Variants in TRIP6 observed in about 807,000 individuals in gnomAD.
TRIP6 encodes thyroid receptor-interacting protein 6.
In TRIP6, 33 loss-of-function variants were observed where a neutral mutation model predicts 51.9. That is an observed-to-expected ratio of 0.64 (90% CI 0.48 to 0.85). TRIP6 has a LOEUF of 0.85. Among genes scored for constraint, TRIP6 ranks in the 40% least tolerant of loss-of-function variants. The pLI is 0.00. For synonymous variants in TRIP6, 255 were observed against 275.8 expected (o/e 0.92, Z 0.75); for missense variants, 661 against 652.1 (o/e 1.01, Z -0.15).
In TRIP6 at chr7:100,868,832, CAGGAAG is replaced by C; in HGVS notation, c.712_717del (p.Arg238_Gly239del). The stretch of plus-strand genomic sequence containing the variant: ...GAAGCTGCTGGGGTCTCTGGCCCTG[CAGGAAG>C]AGGAAGAGGAGGCGAGCACGGGCCC... On this transcript the variant is annotated inframe_deletion, in exon 4 of 9. Transcript: ENST00000200457. 6.6e-7 allele frequency: 1 copy of C among 1,517,042 alleles called. No individual in the cohort carries two copies. The highest frequency in any genetic ancestry group is 8.8e-7 in the Non-Finnish European group (1 of 1,138,288). 94.0% of individuals were successfully genotyped at this position (1,517,042 alleles called of 1,614,324 possible). A position where few individuals can be genotyped will look rare whatever the true frequency, so the allele number is the denominator to read the frequency against.
chr7:100,872,013 GTTTTTTTTTT>G (rs71517130), intron 7 of TRIP6, among the ~76,000 whole-genome samples: 3 of 115,242 alleles, frequency 2.6e-5, no homozygotes, highest in Non-Finnish European at 3.7e-5. Context: ...AGTTTTCTTC[GTTTTTTTTTT>G]TTTTTTTTTG....
chr7:100,867,745 C>T lies in TRIP6; in HGVS notation c.110-116C>T. 1 of 1,515,272 alleles carries T rather than the reference C, an allele frequency of 6.6e-7. No individual in the cohort carries two copies. Among genetic ancestry groups the T allele is most frequent in the Non-Finnish European group, 8.8e-7 (1 of 1,132,648 alleles). The allele number at this position is 1,515,272 out of a possible 1,614,324, so 93.9% of individuals were successfully genotyped here. On this transcript the variant is annotated intron_variant, in intron 1 of 8. Transcript: ENST00000200457. This position sits in a 1 kb window ranked among gnomAD's most constrained non-coding sequence, Gnocchi z 5.4. ...CGGGGGGAACAGCCGCCTGCGCTCT[C>T]TTGGGACCCTAGATTTGGGGGAGGA...
chr7:100,867,768 G>A lies in TRIP6; in HGVS notation c.110-93G>A. The A allele has an allele frequency of 6.6e-7, 1 of 1,509,908 alleles. No homozygotes were observed. The highest frequency in any genetic ancestry group is 8.8e-7 in the Non-Finnish European group (1 of 1,131,578). The allele number at this position is 1,509,908 out of a possible 1,614,324, so 93.5% of individuals were successfully genotyped here. A position where few individuals can be genotyped will look rare whatever the true frequency, so the allele number is the denominator to read the frequency against. On this transcript the variant is annotated intron_variant, in intron 1 of 8. Coordinates refer to ENST00000200457, the MANE Select transcript of TRIP6 (RefSeq NM_003302.3). This position sits in a 1 kb window ranked among gnomAD's most constrained non-coding sequence, Gnocchi z 5.4. ...CTCTTGGGACCCTAGATTTGGGGGA[G>A]GAGGTAACGAGAGGCGGAGAGGGTG... is the stretch of plus-strand genomic sequence containing the variant.
At position 100,868,853 on chromosome 7, in the gene TRIP6, A is replaced by G; in HGVS notation, c.722A>G (p.Glu241Gly). ...CCTGCAGGAAGAGGAAGAGGAGGCG[A>G]GCACGGGCCCCAGGTGAGCCCTGGG... The part of the protein sequence containing the change: ...SGPAGRGRGG[E>G]HGPQVPLSQP... The change falls in exon 4 of 9, where the codon GAG becomes GGG. Residue 241 changes from glutamate (E) to glycine (G), a missense_variant. Coordinates refer to ENST00000200457, the MANE Select transcript of TRIP6 (RefSeq NM_003302.3). 10 of 1,513,000 alleles carry G rather than the reference A, an allele frequency of 6.6e-6. No individual in the cohort carries two copies. Among genetic ancestry groups the G allele is most frequent in the Non-Finnish European group, 7.9e-6 (9 of 1,136,550 alleles). 93.7% of individuals were successfully genotyped at this position (1,513,000 alleles called of 1,614,324 possible).
At position 100,867,783 on chromosome 7, in the gene TRIP6, C is replaced by T. The variant is rs571785082; in HGVS notation, c.110-78C>T. 310 of 1,514,714 alleles carry T rather than the reference C, an allele frequency of 2.0e-4. 2 individuals carry two copies. The Middle Eastern group carries it at 7.2e-3, about 35-fold the overall frequency. The allele number at this position is 1,514,714 out of a possible 1,614,324, so 93.8% of individuals were successfully genotyped here. A position where few individuals can be genotyped will look rare whatever the true frequency, so the allele number is the denominator to read the frequency against. On this transcript the variant is annotated intron_variant, in intron 1 of 8. Transcript: ENST00000200457. This position sits in a 1 kb window ranked among gnomAD's most constrained non-coding sequence, Gnocchi z 5.4. Reference sequence around the variant, plus strand: ...ATTTGGGGGAGGAGGTAACGAGAGGCGGAGAGGGTGGCTCCTCAAATATAC... The same window carrying T: ...ATTTGGGGGAGGAGGTAACGAGAGGTGGAGAGGGTGGCTCCTCAAATATAC...
In TRIP6 at chr7:100,867,994, A is replaced by G. The variant is rs1334169344; in HGVS notation, c.237+6A>G. Reference sequence around the variant, plus strand: ...GAGTACTCCAGCACACGCAGGTGAGACCCGGGATCGTGGGGTGGGACATGT... The same window carrying G: ...GAGTACTCCAGCACACGCAGGTGAGGCCCGGGATCGTGGGGTGGGACATGT... On this transcript the variant is annotated splice_donor_region_variant and intron_variant, in intron 2 of 8. Coordinates refer to ENST00000200457, the MANE Select transcript of TRIP6 (RefSeq NM_003302.3). This position sits in a 1 kb window ranked among gnomAD's most constrained non-coding sequence, Gnocchi z 5.4. 1.3e-6 allele frequency: 2 copies of G among 1,514,596 alleles called. No individual in the cohort carries two copies. Among genetic ancestry groups the G allele is most frequent in the Non-Finnish European group, 1.8e-6 (2 of 1,132,778 alleles). 93.8% of individuals were successfully genotyped at this position (1,514,596 alleles called of 1,614,324 possible). A position where few individuals can be genotyped will look rare whatever the true frequency, so the allele number is the denominator to read the frequency against.
rs1450605141 is a variant in TRIP6 at position 100,873,269 on chromosome 7, A to G, written c.1397A>G (p.Gln466Arg). The G allele has an allele frequency of 3.1e-6, 5 of 1,612,308 alleles. No individual in the cohort carries two copies. The East Asian group carries it at 1.1e-4, about 36-fold the overall frequency. Residue 466 changes from glutamine (Q) to arginine (R), a missense_variant, in exon 9 of 9, where the codon CAG becomes CGG. Gln to Arg is a conservative substitution (Grantham distance 43, BLOSUM62 1). Transcript: ENST00000200457. Reference protein sequence around the residue: ...LCKACSAWRIQELSATVTTDC With the variant: ...LCKACSAWRIRELSATVTTDC ...AAGGCCTGCAGCGCCTGGCGCATCCAGGAGCTCTCAGCCACCGTCACCACT... is the reference window on the plus strand; with the variant it reads ...AAGGCCTGCAGCGCCTGGCGCATCCGGGAGCTCTCAGCCACCGTCACCACT...
Position 100,868,608 on chromosome 7 carries a change from C to A in TRIP6, c.477C>A (p.Thr159=), listed in dbSNP as rs140266307. ...GCCCCACTCCAGCCTCTTACACTACCGCCAGCACCCCGGCTGGCCCAGCCT... is the reference window on the plus strand; with the variant it reads ...GCCCCACTCCAGCCTCTTACACTACAGCCAGCACCCCGGCTGGCCCAGCCT... ...YGGPTPASYT[T]ASTPAGPAFP... Residue 159 remains threonine, a synonymous_variant, in exon 4 of 9, where the codon ACC becomes ACA. Transcript: ENST00000200457. 3.7e-6 allele frequency: 6 copies of A among 1,612,900 alleles called. No homozygotes were observed. In the South Asian group the frequency reaches 6.6e-5, roughly 18 times the overall value.
chr7:100,870,369 G>C lies in TRIP6; in HGVS notation c.736-1G>C. 2 of 1,611,726 alleles carry C rather than the reference G, an allele frequency of 1.2e-6. No homozygotes were observed. The highest frequency in any genetic ancestry group is 1.7e-6 in the Non-Finnish European group (2 of 1,179,790). Reference sequence around the variant, plus strand: ...GACCGAGCCCGATTCCCACCTTCCAGGTGCCCCTGAGCCAGCCTCCAGAGG... The same window carrying C: ...GACCGAGCCCGATTCCCACCTTCCACGTGCCCCTGAGCCAGCCTCCAGAGG... On this transcript the variant is annotated splice_acceptor_variant, in intron 4 of 8. Transcript: ENST00000200457. LOFTEE classifies it high-confidence loss of function.
Position 100,873,370 on chromosome 7 carries a change from G to C in TRIP6, c.*67G>C. The C allele has an allele frequency of 1.3e-6, 2 of 1,539,022 alleles. No homozygotes were observed. The highest frequency in any genetic ancestry group is 1.9e-5 in the Admixed American group (1 of 53,196). On this transcript the variant is annotated 3_prime_UTR_variant, in exon 9 of 9. Coordinates refer to ENST00000200457, the MANE Select transcript of TRIP6 (RefSeq NM_003302.3). Reference sequence around the variant, plus strand: ...CATCCTTTGATTGATCACTCTCCCTGACATCCACCTGTATGACTTTGTCAC... The same window carrying C: ...CATCCTTTGATTGATCACTCTCCCTCACATCCACCTGTATGACTTTGTCAC...
chr7:100,873,254 G>A lies in TRIP6; in HGVS notation c.1382G>A (p.Ser461Asn). ...GGGCACATCTTGTGCAAGGCCTGCAGCGCCTGGCGCATCCAGGAGCTCTCA... is the reference window on the plus strand; with the variant it reads ...GGGCACATCTTGTGCAAGGCCTGCAACGCCTGGCGCATCCAGGAGCTCTCA... ...LDGHILCKAC[S>N]AWRIQELSAT... Residue 461 changes from serine to asparagine, a missense_variant, in exon 9 of 9, where the codon AGC (serine) becomes AAC (asparagine). By Grantham distance (46) the Ser-to-Asn change is conservative. Transcript: ENST00000200457. The A allele has an allele frequency of 6.2e-7, 1 of 1,613,356 alleles. No homozygotes were observed. Among genetic ancestry groups the A allele is most frequent in the Non-Finnish European group, 8.5e-7 (1 of 1,179,458 alleles).
In TRIP6 at chr7:100,872,187, T is replaced by TG. The variant is rs1296182187; in HGVS notation, c.1179-437_1179-436insG. ...ATGCCACCACGCCTGGCTAGTTTTT[T>TG]TTTTTTTTTTTTTTTTTGTATTTTT... On this transcript the variant is annotated intron_variant, in intron 7 of 8. Coordinates refer to ENST00000200457, the MANE Select transcript of TRIP6 (RefSeq NM_003302.3). 3.5e-5 allele frequency among the ~76,000 whole-genome samples: 5 copies of TG among 144,592 alleles called. 1 individual carries two copies. Among genetic ancestry groups the TG allele is most frequent in the African/African-American group, 1.3e-4 (5 of 39,250 alleles). The allele number at this position is 144,592 out of a possible 152,430, so 94.9% of individuals were successfully genotyped here.
rs1815176882 is a variant in TRIP6 at position 100,867,878 on chromosome 7, A to G, written c.127A>G (p.Arg43Gly). Reference protein sequence around the residue: ...AHGAALQPHPRVNFCPLPSEQ... With the variant: ...AHGAALQPHPGVNFCPLPSEQ... ...CAACCCAGCACTCCAGCCCCACCCC[A>G]GGGTCAATTTTTGCCCCCTTCCATC... Residue 43 changes from arginine (R) to glycine (G), a missense_variant, in exon 2 of 9, where the codon AGG becomes GGG. By Grantham distance (125) the Arg-to-Gly change is moderately radical (BLOSUM62 -2). Transcript: ENST00000200457. The surrounding 1 kb of genome is among the most constrained non-coding windows in gnomAD (Gnocchi z 5.4). 1.3e-6 allele frequency: 2 copies of G among 1,531,914 alleles called. No individual in the cohort carries two copies. Among genetic ancestry groups the G allele is most frequent in the South Asian group, 2.6e-5 (2 of 75,786 alleles). 94.9% of individuals were successfully genotyped at this position (1,531,914 alleles called of 1,614,324 possible). A position where few individuals can be genotyped will look rare whatever the true frequency, so the allele number is the denominator to read the frequency against.
Position 100,872,622 on chromosome 7 carries a change from A to G in TRIP6, c.1179-2A>G, listed in dbSNP as rs1815297384. 1 of 1,613,874 alleles carries G rather than the reference A, an allele frequency of 6.2e-7. No homozygotes were observed. The highest frequency in any genetic ancestry group is 8.5e-7 in the Non-Finnish European group (1 of 1,179,866). ...GGCCTTCTTGGTTCTCTTCCCCTGCAGGAAGTTTGCCCCAAGATGCTCAGT... is the reference window on the plus strand; with the variant it reads ...GGCCTTCTTGGTTCTCTTCCCCTGCGGGAAGTTTGCCCCAAGATGCTCAGT... On this transcript the variant is annotated splice_acceptor_variant, in intron 7 of 8. Coordinates refer to ENST00000200457, the MANE Select transcript of TRIP6 (RefSeq NM_003302.3). LOFTEE classifies it high-confidence loss of function.
chr7:100,868,578 T>C lies in TRIP6; in HGVS notation c.447T>C (p.Tyr149=), dbSNP rs1044769143. ...NPASPLPASP[Y]GGPTPASYTT... is the part of the protein sequence containing the mutation. Reference sequence around the variant, plus strand: ...CCTCGCCGCTCCCAGCGTCTCCCTATGGGGGCCCCACTCCAGCCTCTTACA... The same window carrying C: ...CCTCGCCGCTCCCAGCGTCTCCCTACGGGGGCCCCACTCCAGCCTCTTACA... Residue 149 remains tyrosine, a synonymous_variant, in exon 4 of 9, where the codon TAT becomes TAC. Transcript: ENST00000200457. 6.2e-7 allele frequency: 1 copy of C among 1,612,946 alleles called. No individual in the cohort carries two copies. The highest frequency in any genetic ancestry group is 1.1e-5 in the South Asian group (1 of 91,080).
chr7:100,868,527 C>A lies in TRIP6; in HGVS notation c.396C>A (p.Arg132=). The change falls in exon 4 of 9, where the codon CGC becomes CGA. Residue 132 remains arginine, a synonymous_variant. Transcript: ENST00000200457. ...AYEPPPPPAY[R]TGSLKPNPAS... The stretch of plus-strand genomic sequence containing the variant: ...AGCCCCCGCCACCTCCTGCCTACCG[C>A]ACGGGCTCCCTGAAGCCAAATCCAG... 6.2e-7 allele frequency: 1 copy of A among 1,613,108 alleles called. No individual in the cohort carries two copies. Among genetic ancestry groups the A allele is most frequent in the Non-Finnish European group, 8.5e-7 (1 of 1,180,032 alleles).
Position 100,868,253 on chromosome 7 carries a change from C to T in TRIP6, c.363+20C>T, listed in dbSNP as rs774130752. On this transcript the variant is annotated intron_variant, in intron 3 of 8. Coordinates refer to ENST00000200457, the MANE Select transcript of TRIP6 (RefSeq NM_003302.3). Reference sequence around the variant, plus strand: ...CGACAGGTGACTCTGCCCCTCCTCCCCGTCAGCACCCTGCCCCCTTCTCTG... The same window carrying T: ...CGACAGGTGACTCTGCCCCTCCTCCTCGTCAGCACCCTGCCCCCTTCTCTG... The T allele has an allele frequency of 3.1e-6, 5 of 1,602,676 alleles. No homozygotes were observed. The highest frequency in any genetic ancestry group is 3.4e-6 in the Non-Finnish European group (4 of 1,174,726).
At chr7:100,872,181 G>GTTTTTTTTTTTTTTTTTTTT (rs34239953) in intron 7 of TRIP6, among the ~76,000 whole-genome samples, 1 of 95,592 alleles carries the variant, frequency 1.0e-5, no homozygotes, top group Non-Finnish European at 1.9e-5. Flanking sequence ...CGCCTGGCTA[G>GTTTTTTTTTTTTTTTTTTTT]TTTTTTTTTT....
Position 100,870,483 on chromosome 7 carries a change from T to C in TRIP6, c.829+20T>C. 1 of 1,317,720 alleles carries C rather than the reference T, an allele frequency of 7.6e-7. No individual in the cohort carries two copies. Among genetic ancestry groups the C allele is most frequent in the Non-Finnish European group, 1.1e-6 (1 of 936,476 alleles). The allele number at this position is 1,317,720 out of a possible 1,614,324, so 81.6% of individuals were successfully genotyped here. ...ACTTTGGTGAGCTGAGGCTGTGGGG[T>C]GGGTGGGACGTGGGAAGGGAGGCTG... is the stretch of plus-strand genomic sequence containing the variant. On this transcript the variant is annotated intron_variant, in intron 5 of 8. Coordinates refer to ENST00000200457, the MANE Select transcript of TRIP6 (RefSeq NM_003302.3).
Sources: allele counts gnomAD v4.1 joint callset (sites outside exome capture counted in the v4.1 genomes callset), GRCh38; gene constraint gnomAD v4.1.1; non-coding constraint Gnocchi (gnomAD v3.1); transcripts MANE v1.5; gene names NCBI Gene and HGNC (gene_info 2026-07-23, HGNC 2026-07-21).